The following DMXL1 variants were observed in gnomAD, a reference collection of about 807,000 sequenced individuals.
The protein encoded by DMXL1 is dmX-like protein 1.
In DMXL1, 99 loss-of-function variants were observed where a neutral mutation model predicts 319.2. That is an observed-to-expected ratio of 0.31 (90% CI 0.26 to 0.37). The LOEUF (loss-of-function observed/expected upper bound fraction) is 0.37. DMXL1 is among the 10% of genes least tolerant of loss of function. DMXL1 has a pLI of 1.00. For synonymous variants in DMXL1, 1,385 were observed against 1,235.2 expected, an observed-to-expected ratio of 1.12 and a Z score of -2.54; for missense variants, 3,745 against 3,595.6, an observed-to-expected ratio of 1.04 and a Z score of -1.06.
chr5:119,166,592 C>G (rs1306325604), intron 21 of DMXL1, 24 bp from the exon 22 acceptor site: 1 of 1,571,958 alleles, frequency 6.4e-7, no homozygotes, highest in Non-Finnish European at 8.6e-7. Context: ...CCAAAATTTT[C>G]ACACCATTTT....
chr5:119,167,736 G>T lies in DMXL1; in HGVS notation c.5270G>T (p.Ser1757Ile), dbSNP rs774477239. The T allele has an allele frequency of 1.2e-5, 20 of 1,613,496 alleles. No individual in the cohort carries two copies. The East Asian group carries it at 1.3e-4, about 11-fold the overall frequency. Residue 1757 changes from serine to isoleucine, a missense_variant, in exon 23 of 44, where the codon AGT becomes ATT. Transcript: ENST00000539542. ...GTTTTGGGAATCGATTCTCCTGTCA[G>T]TGAACTGTGTTCATTGAACATAAAT... ...KKVLGIDSPV[S>I]ELCSLNINMH...
rs773662617 is a variant in DMXL1, at chr5:119,129,305, A to G, written c.1197A>G (p.Glu399=). 1.9e-6 allele frequency: 3 copies of G among 1,613,810 alleles called. No homozygotes were observed. Among genetic ancestry groups the G allele is most frequent in the Non-Finnish European group, 2.5e-6 (3 of 1,179,856 alleles). ...PFVVHWLNNK[E]LHFTLSMEVF... Reference sequence around the variant, plus strand: ...TTGTACACTGGCTAAACAATAAAGAACTGCATTTTACTTTGTCCATGGAAG... The same window carrying G: ...TTGTACACTGGCTAAACAATAAAGAGCTGCATTTTACTTTGTCCATGGAAG... Residue 399 remains glutamate, a synonymous_variant, in exon 10 of 44, where the codon GAA becomes GAG. Coordinates refer to ENST00000539542, the MANE Select transcript of DMXL1 (RefSeq NM_001290321.3).
Position 119,185,205 on chromosome 5 carries a change from C to T in DMXL1, c.7136-4503C>T, listed in dbSNP as rs144666767. On this transcript the variant is annotated intron_variant, in intron 28 of 43. Coordinates refer to ENST00000539542, the MANE Select transcript of DMXL1 (RefSeq NM_001290321.3). ...TCCCCTGTCACTTTCTGCTCCTCTA[C>T]CTCCTTCCCTTCTCCTTCTGCCCTT... is the stretch of plus-strand genomic sequence containing the variant. 4.8e-3 allele frequency among the ~76,000 whole-genome samples: 726 copies of T among 152,056 alleles called. 7 individuals carry two copies. Among genetic ancestry groups the T allele is most frequent in the African/African-American group, 0.017 (713 of 41,470 alleles).
chr5:119,198,707 A>G (rs1240942375), intron 32 of DMXL1, among the ~76,000 whole-genome samples: 3 of 152,228 alleles, frequency 2.0e-5, no homozygotes, highest in South Asian at 2.1e-4. Context: ...AAGGCATCAC[A>G]TTACCTGACT....
chr5:119,164,783 C>T, intron 20 of DMXL1, 107 bp downstream of exon 20: 1 of 1,015,780 alleles, frequency 9.8e-7, no homozygotes, highest in Non-Finnish European at 1.4e-6. Flanking sequence ...TTTGAAGCAG[C>T]AAAAGGCTTT....
chr5:119,157,609 T>C (rs190017898), intron 19 of DMXL1, among the ~76,000 whole-genome samples: 44 of 152,352 alleles, frequency 2.9e-4, no homozygotes, highest in Admixed American at 1.9e-3. Flanking sequence ...CCTGGCACGT[T>C]TGACAAAAAT....
At chr5:119,130,700 G>A (rs184400611) in intron 10 of DMXL1, among the ~76,000 whole-genome samples, 13 of 152,208 alleles carry the variant, frequency 8.5e-5, no homozygotes, top group Non-Finnish European at 1.5e-4. Flanking sequence ...TGTATTTAAC[G>A]GCTGCTGAGT....
intron 28 of DMXL1, among the ~76,000 whole-genome samples, chr5:119,188,784 C>G (rs1778203203): frequency 6.6e-6 from 1 of 152,210 alleles, no homozygotes; most frequent in South Asian, 2.1e-4. Flanking sequence ...TTAAACTCAG[C>G]TTGACTATAG....
Sources: allele counts gnomAD v4.1 joint callset (sites outside exome capture counted in the v4.1 genomes callset), GRCh38; gene constraint gnomAD v4.1.1; transcripts MANE v1.5; gene names NCBI Gene and HGNC (gene_info 2026-07-23, HGNC 2026-07-21).